MN1: variants seen among roughly 807,000 people sequenced by gnomAD.
MN1 encodes the protein MN1 proto-oncogene, transcriptional regulator, also known as transcriptional activator MN1.
In MN1, 19 loss-of-function variants were observed where a neutral mutation model predicts 86.9. The observed-to-expected ratio is 0.22, with a 90% CI of 0.15 to 0.32. The LOEUF is 0.32. MN1 is among the 10% of genes least tolerant of loss of function. The pLI is 1.00. For synonymous variants in MN1, 928 were observed against 849.6 expected, an observed-to-expected ratio of 1.09 and a Z score of -1.60; for missense variants, 1,841 against 1,862.0, an observed-to-expected ratio of 0.99 and a Z score of 0.21.
intron 1 of MN1, among the ~76,000 whole-genome samples, chr22:27,792,335 T>C (rs971999143): frequency 1.2e-4 from 17 of 145,254 alleles, no homozygotes; most frequent in Admixed American, 6.2e-4. Context: ...TATATATATA[T>C]ATATATATAT....
chr22:27,756,971 G>A (rs1932805892), intron 1 of MN1, among the ~76,000 whole-genome samples: 2 of 152,078 alleles, frequency 1.3e-5, no homozygotes, highest in South Asian at 4.1e-4. Flanking sequence ...ATGTTGCCAA[G>A]CCTAGTCTTG....
intron 1 of MN1, among the ~76,000 whole-genome samples, chr22:27,783,455 G>T (rs780450616): frequency 6.6e-6 from 1 of 152,130 alleles, no homozygotes; most frequent in Non-Finnish European, 1.5e-5. Context: ...TTTTAAAAAG[G>T]CTTGGAAACC....
chr22:27,797,257 G>A lies in MN1; in HGVS notation c.3287C>T (p.Pro1096Leu), dbSNP rs200506171. The part of the protein sequence containing the change: ...PRGVGAGEHG[P>L]KAPPPALGLG... ...GCCGAGGGCGGGCGGGGGCGCCTTC[G>A]GTCCGTGTTCCCCGGCGCCTACCCC... The change falls in exon 1 of 2, where the codon CCG becomes CTG. Residue 1096 changes from proline to leucine, a missense_variant. By Grantham distance (98) the Pro-to-Leu change is moderately conservative. Transcript: ENST00000302326. 5.9e-5 allele frequency: 93 copies of A among 1,582,652 alleles called. 1 individual carries two copies. The highest frequency in any genetic ancestry group is 1.8e-5 in the Admixed American group (1 of 56,688).
chr22:27,752,011 G>C (rs1027121576), intron 1 of MN1, among the ~76,000 whole-genome samples: 14 of 152,296 alleles, frequency 9.2e-5, no homozygotes, highest in Non-Finnish European at 1.9e-4. Context: ...CGGGACACCT[G>C]CCTGTGTCTT....
rs1372760512 is a variant in MN1, at chr22:27,799,902, G to A, written c.642C>T (p.Ser214=). The A allele has an allele frequency of 1.6e-5, 25 of 1,602,342 alleles. No homozygotes were observed. Among genetic ancestry groups the A allele is most frequent in the Non-Finnish European group, 2.0e-5 (24 of 1,175,650 alleles). The change falls in exon 1 of 2, where the codon TCC becomes TCT. Residue 214 remains serine (S), a synonymous_variant. Transcript: ENST00000302326. ...TCACCCTCCGTGGCTCCAGACTGTG[G>A]GAATCGGAGCCGCTGGAGGACGGCA... is the stretch of plus-strand genomic sequence containing the variant. ...HGLPSSSGSD[S]HSLEPRRVTN...
chr22:27,773,799 C>G (rs897779421), intron 1 of MN1, among the ~76,000 whole-genome samples: 6 of 152,128 alleles, frequency 3.9e-5, no homozygotes, highest in African/African-American at 7.2e-5. Flanking sequence ...GAGGCACAGA[C>G]ACACGCCACC....
intron 1 of MN1, among the ~76,000 whole-genome samples, chr22:27,764,817 A>AG (rs2146298261): frequency 6.6e-6 from 1 of 152,346 alleles, no homozygotes; most frequent in Admixed American, 6.5e-5. Flanking sequence ...CCCTGGAGGA[A>AG]GCATCTATTC....
chr22:27,791,840 G>T (rs1933215392), intron 1 of MN1: 1 of 152,210 alleles, frequency 6.6e-6, no homozygotes, highest in Admixed American at 6.5e-5. Flanking sequence ...CAGGTGGAGA[G>T]AAACGGGTCA....
intron 1 of MN1, among the ~76,000 whole-genome samples, chr22:27,782,437 A>T (rs6005619): frequency 0.072 from 10,894 of 152,268 alleles, 1,120 homozygotes; most frequent in African/African-American, 0.23. Flanking sequence ...CACCACTTGC[A>T]AGCCAATCTG....
chr22:27,764,357 G>C (rs1186114055), intron 1 of MN1, among the ~76,000 whole-genome samples: 1 of 152,176 alleles, frequency 6.6e-6, no homozygotes, highest in Non-Finnish European at 1.5e-5. Context: ...GTCTCACTGG[G>C]CTGGCCAGGT....
At position 27,798,882 on chromosome 22, in the gene MN1, C is replaced by T; in HGVS notation, c.1662G>A (p.Ala554=). 1 of 1,548,978 alleles carries T rather than the reference C, an allele frequency of 6.5e-7. No homozygotes were observed. Among genetic ancestry groups the T allele is most frequent in the Non-Finnish European group, 8.7e-7 (1 of 1,148,256 alleles). ...QQQQQQQRQN[A]ALMIKQMASR... is the part of the protein sequence containing the mutation. ...ACGCCATCTGCTTAATCATGAGGGC[C>T]GCGTTTTGGCGCTGCTGCTGCTGCT... Residue 554 remains alanine, a synonymous_variant, in exon 1 of 2, where the codon GCG becomes GCA. Coordinates refer to ENST00000302326, the MANE Select transcript of MN1 (RefSeq NM_002430.3).
chr22:27,797,899 C>T lies in MN1; in HGVS notation c.2645G>A (p.Gly882Glu), dbSNP rs1285075317. 2.5e-6 allele frequency: 4 copies of T among 1,597,694 alleles called. No homozygotes were observed. The South Asian group carries it at 4.5e-5, about 18-fold the overall frequency. The change falls in exon 1 of 2, where the codon GGG (glycine) becomes GAG (glutamate). Residue 882 changes from glycine to glutamate, a missense_variant. Transcript: ENST00000302326. ...GNPGSDYFPG[G>E]TAPGAPGPGG... ...GGGTCCTGGGGCCCCAGGAGCAGTC[C>T]CTCCTGGGAAGTAATCCGAGCCCGG...
At position 27,800,069 on chromosome 22, in the gene MN1, T is replaced by G; in HGVS notation, c.475A>C (p.Ser159Arg). 1 of 1,599,404 alleles carries G rather than the reference T, an allele frequency of 6.3e-7. No individual in the cohort carries two copies. Among genetic ancestry groups the G allele is most frequent in the South Asian group, 1.1e-5 (1 of 90,562 alleles). Residue 159 changes from serine to arginine, a missense_variant, in exon 1 of 2, where the codon AGC (serine) becomes CGC (arginine). By Grantham distance (110) the Ser-to-Arg change is moderately radical. Transcript: ENST00000302326. ...FAEGYEHMAESQGPESFGPQR... is the reference protein window; with the variant it reads ...FAEGYEHMAERQGPESFGPQR... Reference sequence around the variant, plus strand: ...GGGCCGAAGCTCTCAGGCCCCTGGCTCTCCGCCATGTGCTCATAGCCCTCG... The same window carrying G: ...GGGCCGAAGCTCTCAGGCCCCTGGCGCTCCGCCATGTGCTCATAGCCCTCG...
chr22:27,794,999 G>A (rs556097985), intron 1 of MN1, among the ~76,000 whole-genome samples: 2 of 145,474 alleles, frequency 1.4e-5, no homozygotes, highest in Non-Finnish European at 3.0e-5. Flanking sequence ...TCGAGATGTC[G>A]TGTACAAGAA....
rs570675617 is a variant in MN1, at chr22:27,766,251, G to T, written c.3782-15155C>A. On this transcript the variant is annotated intron_variant, in intron 1 of 1. Transcript: ENST00000302326. ...GGTGTTCCCCACCTCAAATTATCCT[G>T]TGGACTGCTGGAAAATATTCGCTGG... Among the ~76,000 whole-genome samples the T allele has an allele frequency of 2.6e-5, 4 of 152,334 alleles. No individual in the cohort carries two copies. In the South Asian group the frequency reaches 8.3e-4, roughly 32 times the overall value.
Position 27,798,346 on chromosome 22 carries a change from G to A in MN1, c.2198C>T (p.Pro733Leu). 1 of 1,507,552 alleles carries A rather than the reference G, an allele frequency of 6.6e-7. No individual in the cohort carries two copies. Among genetic ancestry groups the A allele is most frequent in the South Asian group, 1.2e-5 (1 of 80,784 alleles). 93.4% of individuals were successfully genotyped at this position (1,507,552 alleles called of 1,614,324 possible). A position where few individuals can be genotyped will look rare whatever the true frequency, so the allele number is the denominator to read the frequency against. The change falls in exon 1 of 2, where the codon CCG becomes CTG. Residue 733 changes from proline (P) to leucine (L), a missense_variant. Pro to Leu is a moderately conservative substitution (Grantham distance 98). Coordinates refer to ENST00000302326, the MANE Select transcript of MN1 (RefSeq NM_002430.3). ...CCCGAGCGCAGACGTAGCAAAGTCC[G>A]GCGGCGGGGGCCGGCGCTCCGAAGC... ...SAASERRPPP[P>L]DFATSALGGQ...
intron 1 of MN1, among the ~76,000 whole-genome samples, chr22:27,784,357 TTCTC>T (rs1339740499): frequency 6.6e-6 from 1 of 152,148 alleles, no homozygotes; most frequent in Admixed American, 6.5e-5. Flanking sequence ...AACCCAGCCT[TTCTC>T]TCTATTTCAG....
Position 27,800,445 on chromosome 22 carries a change from G to T in MN1, c.99C>A (p.His33Gln). ...FNETGLSMNT[H>Q]FKAPAFHTGG... ...CAGTGTGGAAAGCCGGGGCCTTAAA[G>T]TGGGTGTTCATGCTCAGTCCGGTCT... The change falls in exon 1 of 2, where the codon CAC (histidine) becomes CAA (glutamine). Residue 33 changes from histidine (H) to glutamine (Q), a missense_variant. Coordinates refer to ENST00000302326, the MANE Select transcript of MN1 (RefSeq NM_002430.3). 1 of 1,614,234 alleles carries T rather than the reference G, an allele frequency of 6.2e-7. No individual in the cohort carries two copies. Among genetic ancestry groups the T allele is most frequent in the Non-Finnish European group, 8.5e-7 (1 of 1,180,038 alleles).
chr22:27,797,727 G>A lies in MN1; in HGVS notation c.2817C>T (p.Gly939=), dbSNP rs200253358. ...TTTTTCTGCGACCCCGTCCCCGGCC[G>A]CCGCCCCCGGAGACCGGCTTGCCGT... The part of the protein sequence containing the change: ...GNDGKPVSGG[G]GRGRGRRKRD... The change falls in exon 1 of 2, where the codon GGC becomes GGT. Residue 939 remains glycine (G), a synonymous_variant. Transcript: ENST00000302326. 1.1e-3 allele frequency: 1,820 copies of A among 1,611,452 alleles called. 4 individuals are homozygous for A. Among genetic ancestry groups the A allele is most frequent in the South Asian group, 1.7e-3 (157 of 90,872 alleles).
Sources: gnomAD v4.1 joint callset for allele counts (sites outside exome capture counted in the v4.1 genomes callset) on GRCh38, gnomAD v4.1.1 for gene constraint, MANE v1.5 for transcripts, NCBI Gene and HGNC (gene_info 2026-07-23, HGNC 2026-07-21) for gene names.